MCHR2: variants seen among roughly 807,000 people sequenced by gnomAD.
MCHR2 encodes melanin-concentrating hormone receptor 2.
Under a neutral mutation model 24.8 loss-of-function variants are expected in MCHR2, and 15 were observed. That is an observed-to-expected ratio of 0.60 (90% CI 0.40 to 0.93). MCHR2 has a LOEUF of 0.93. MCHR2 is among the 40% of genes least tolerant of loss of function. MCHR2 has a pLI of 0.00. For missense variants in MCHR2, 386 were observed against 408.7 expected, an observed-to-expected ratio of 0.94 and a Z score of 0.48; for synonymous variants, 151 against 147.6, an observed-to-expected ratio of 1.02 and a Z score of -0.17.
At chr6:99,959,217 T>C (rs1775130325) in intron 1 of MCHR2, among the ~76,000 whole-genome samples, 1 of 152,046 alleles carries the variant, frequency 6.6e-6, no homozygotes, top group South Asian at 2.1e-4. Flanking sequence ...GAACCTGTGG[T>C]ACAAAAGATA....
At chr6:99,921,383 C>T in intron 5 of MCHR2, 128 bp from the exon 6 acceptor site, 1 of 785,562 alleles carries the variant, frequency 1.3e-6, no homozygotes, top group Non-Finnish European at 2.0e-6. Flanking sequence ...TTATTATATT[C>T]CTACTTACTT....
chr6:99,945,727 C>T (rs531892164), intron 3 of MCHR2, among the ~76,000 whole-genome samples: 2 of 152,198 alleles, frequency 1.3e-5, no homozygotes, highest in East Asian at 3.9e-4. Flanking sequence ...GGAAATGGTT[C>T]AGTTTTATAG....
At chr6:99,936,381 G>C (rs760706629) in intron 4 of MCHR2, among the ~76,000 whole-genome samples, 1 of 151,930 alleles carries the variant, frequency 6.6e-6, no homozygotes, top group Admixed American at 6.6e-5. Context: ...TTTGTGTATG[G>C]TGAGAGGTAT....
chr6:99,956,057 C>G lies in MCHR2; in HGVS notation c.91G>C (p.Val31Leu). The change falls in exon 2 of 6, where the codon GTG (valine) becomes CTG (leucine). Residue 31 changes from valine to leucine, a missense_variant. Transcript: ENST00000281806. The part of the protein sequence containing the change: ...NKEFAYQTAS[V>L]VDTVILPSMI... ...GAAGGGAGGATGACTGTATCTACCA[C>G]ACTGGCAGTTTGATAAGCAAACTCT... 1 of 1,613,434 alleles carries G rather than the reference C, an allele frequency of 6.2e-7. No individual in the cohort carries two copies. The highest frequency in any genetic ancestry group is 8.5e-7 in the Non-Finnish European group (1 of 1,179,628).
At chr6:99,923,988 G>T (rs1464718976) in intron 5 of MCHR2, among the ~76,000 whole-genome samples, 3 of 151,988 alleles carry the variant, frequency 2.0e-5, no homozygotes, top group Admixed American at 6.6e-5. Flanking sequence ...ATTAGAATTT[G>T]TATTAGCTTT....
intron 4 of MCHR2, among the ~76,000 whole-genome samples, chr6:99,941,256 T>TTTTA (rs1774764515): frequency 6.7e-6 from 1 of 150,324 alleles, no homozygotes; most frequent in African/African-American, 2.4e-5. Context: ...TTTTTTTTTT[T>TTTTA]CACTTCTCTG....
chr6:99,944,658 G>T (rs1393421050), intron 3 of MCHR2, among the ~76,000 whole-genome samples: 1 of 152,126 alleles, frequency 6.6e-6, no homozygotes, highest in African/African-American at 2.4e-5. Flanking sequence ...CCCTGCTGCG[G>T]AAGTGGATGA....
At chr6:99,964,634 T>C (rs1173745094) in intron 1 of MCHR2, among the ~76,000 whole-genome samples, 1 of 152,064 alleles carries the variant, frequency 6.6e-6, no homozygotes, top group Non-Finnish European at 1.5e-5. Context: ...GCCCCCATGA[T>C]CCAATTACTT....
At chr6:99,975,589 A>C (rs1179878648) in intron 1 of MCHR2, among the ~76,000 whole-genome samples, 1 of 152,184 alleles carries the variant, frequency 6.6e-6, no homozygotes, top group Non-Finnish European at 1.5e-5. Context: ...TCCTGCACCC[A>C]CTGTCTGGCA....
chr6:99,955,572 G>A (rs1342154960), intron 2 of MCHR2, among the ~76,000 whole-genome samples: 1 of 152,132 alleles, frequency 6.6e-6, no homozygotes, highest in Non-Finnish European at 1.5e-5. Flanking sequence ...AAAATGAAAT[G>A]TTGCATTGCA....
At chr6:99,971,909 G>A (rs1293402381) in intron 1 of MCHR2, among the ~76,000 whole-genome samples, 1 of 152,220 alleles carries the variant, frequency 6.6e-6, no homozygotes, top group Non-Finnish European at 1.5e-5. Flanking sequence ...CAGGGATGAA[G>A]CCCATTTGAT....
chr6:99,943,986 C>T (rs184226329), intron 3 of MCHR2, among the ~76,000 whole-genome samples: 24 of 152,228 alleles, frequency 1.6e-4, no homozygotes, highest in African/African-American at 4.8e-4. Context: ...ATAGAACAAA[C>T]ATTTTGCCCT....
In MCHR2 at chr6:99,927,823, T is replaced by C. The variant is rs537143992; in HGVS notation, c.708-6568A>G. Reference sequence around the variant, plus strand: ...TTCCTCTTTTCCTAATTGAATACACTTTATTTCCTTCTCCTGCATAATTGC... The same window carrying C: ...TTCCTCTTTTCCTAATTGAATACACCTTATTTCCTTCTCCTGCATAATTGC... On this transcript the variant is annotated intron_variant, in intron 5 of 5. Coordinates refer to ENST00000281806, the MANE Select transcript of MCHR2 (RefSeq NM_001040179.2). 8.5e-5 allele frequency among the ~76,000 whole-genome samples: 13 copies of C among 152,320 alleles called. No individual in the cohort carries two copies. In the East Asian group the frequency reaches 2.3e-3, roughly 27 times the overall value.
intron 1 of MCHR2, among the ~76,000 whole-genome samples, chr6:99,963,785 T>A (rs1775242821): frequency 6.6e-6 from 1 of 152,098 alleles, no homozygotes; most frequent in South Asian, 2.1e-4. Flanking sequence ...TGGTAAACTA[T>A]GTTTGCAAAA....
chr6:99,927,052 A>G (rs1037467757), intron 5 of MCHR2, among the ~76,000 whole-genome samples: 1 of 152,092 alleles, frequency 6.6e-6, no homozygotes, highest in African/African-American at 2.4e-5. Flanking sequence ...CTTTCTACAT[A>G]TGGCTAGCCA....
At chr6:99,991,288 A>G (rs897549165) in intron 1 of MCHR2, among the ~76,000 whole-genome samples, 1 of 152,152 alleles carries the variant, frequency 6.6e-6, no homozygotes, top group Non-Finnish European at 1.5e-5. Flanking sequence ...GCTGGGAGAC[A>G]GATGGGGCTG....
At chr6:99,981,973 G>A (rs866715721) in intron 1 of MCHR2, among the ~76,000 whole-genome samples, 1 of 152,086 alleles carries the variant, frequency 6.6e-6, no homozygotes, top group African/African-American at 2.4e-5. Context: ...TGTTGACTGA[G>A]GTGATGGTTT....
In MCHR2 at chr6:99,934,661, G is replaced by A. The variant is rs149666996; in HGVS notation, c.588-144C>T. 6.3e-4 allele frequency: 439 copies of A among 692,194 alleles called. 4 individuals are homozygous for A. In the African/African-American group the frequency reaches 7.4e-3, roughly 12 times the overall value. 42.9% of individuals were successfully genotyped at this position (692,194 alleles called of 1,614,324 possible). A position where few individuals can be genotyped will look rare whatever the true frequency, so the allele number is the denominator to read the frequency against. On this transcript the variant is annotated intron_variant, in intron 4 of 5. Coordinates refer to ENST00000281806, the MANE Select transcript of MCHR2 (RefSeq NM_001040179.2). ...TGAAAGTCCTTGTGGAAAAGCTCAA[G>A]ATCTTTGGTTGCTTTATTGTAGAGA...
intron 1 of MCHR2, among the ~76,000 whole-genome samples, chr6:99,973,128 C>T (rs1775467279): frequency 1.3e-5 from 2 of 151,724 alleles, no homozygotes. Flanking sequence ...TGTTGACTTT[C>T]TGTCTCGTTG....
Sources: gnomAD v4.1 joint callset for allele counts (sites outside exome capture counted in the v4.1 genomes callset) on GRCh38, gnomAD v4.1.1 for gene constraint, MANE v1.5 for transcripts, NCBI Gene and HGNC (gene_info 2026-07-23, HGNC 2026-07-21) for gene names.